The following AGR2 variants were observed in gnomAD, a reference collection of about 807,000 sequenced individuals.
The protein encoded by AGR2 is anterior gradient protein 2 homolog.
A neutral mutation model predicts 25.9 loss-of-function variants in AGR2; 27 were observed. The ratio of observed to expected loss-of-function variants is 1.04; its 90% CI spans 0.77 to 1.44. The LOEUF is 1.44. AGR2 is among the 40% of genes most tolerant of loss of function. The probability of loss-of-function intolerance (pLI) is 0.00; values close to 1 mark genes in which losing one functional copy is unlikely to be tolerated. For missense variants in AGR2, 182 were observed against 200.9 expected (o/e 0.91, Z 0.57); for synonymous variants, 78 against 72.0 (o/e 1.08, Z -0.42).
In AGR2 at chr7:16,799,128, G is replaced by A. The variant is rs1283926634; in HGVS notation, c.330+616C>T. ...AAGAGGAAGAGCCCATGGAAGAGAG[G>A]CAAGGAAGAACTACTGGTGCGAAGT... On this transcript the variant is annotated intron_variant, in intron 5 of 7. Transcript: ENST00000419304. Among the ~76,000 whole-genome samples the A allele has an allele frequency of 2.0e-5, 3 of 152,108 alleles. No individual in the cohort carries two copies. In the East Asian group the frequency reaches 5.8e-4, roughly 29 times the overall value.
At chr7:16,799,863 T>TA (rs746797434) in intron 4 of AGR2, 46 bp from the exon 5 acceptor site, 67 of 1,331,526 alleles carry the variant, frequency 5.0e-5, no homozygotes, top group Non-Finnish European at 7.1e-5. Context: ...TAGCATTGGT[T>TA]AAAAGCTTTG....
chr7:16,795,060 T>C, intron 6 of AGR2, 41 bp from the exon 7 acceptor site: 6 of 1,606,584 alleles, frequency 3.7e-6, no homozygotes, highest in Non-Finnish European at 5.1e-6. Context: ...GAATGGTTTG[T>C]TTTCAAACAA....
At chr7:16,799,462 A>G (rs706070) in intron 5 of AGR2, 307,221 of 352,854 alleles carry the variant, frequency 0.87, 134,382 homozygotes, top group African/African-American at 0.97. Flanking sequence ...ATAGAGGGAC[A>G]GGCACAGCAA....
intron 2 of AGR2, 54 bp downstream of exon 2, chr7:16,801,604 G>T: frequency 6.2e-7 from 1 of 1,609,506 alleles, no homozygotes; most frequent in East Asian, 2.2e-5. Context: ...CAAGAGAGAG[G>T]AAATCTTTTC....
At chr7:16,801,498 C>G (rs749344059) in intron 2 of AGR2, 115 bp from the exon 3 acceptor site, 1 of 1,332,846 alleles carries the variant, frequency 7.5e-7, no homozygotes, top group South Asian at 1.2e-5. Flanking sequence ...GAAGAAAAAC[C>G]CCTGGAGAAA....
chr7:16,802,000 A>T (rs1296683401), intron 1 of AGR2, among the ~76,000 whole-genome samples, 197 bp from the exon 2 acceptor site: 1 of 151,186 alleles, frequency 6.6e-6, no homozygotes, highest in East Asian at 1.9e-4. Flanking sequence ...CAATTGAGTA[A>T]TGTTCCAATA....
At chr7:16,801,581 C>A in intron 2 of AGR2, 77 bp downstream of exon 2, 1 of 1,577,168 alleles carries the variant, frequency 6.3e-7, no homozygotes, top group Non-Finnish European at 8.7e-7. Flanking sequence ...AGGTTAGAAC[C>A]AGGTTTAAGC....
intron 1 of AGR2, among the ~76,000 whole-genome samples, chr7:16,804,535 G>A (rs60807324): frequency 3.3e-5 from 5 of 152,050 alleles, no homozygotes; most frequent in Admixed American, 6.6e-5. Flanking sequence ...TATTCCAAGC[G>A]GGCAATCCGA....
chr7:16,796,150 T>G (rs750109353), intron 6 of AGR2, among the ~76,000 whole-genome samples: 1 of 152,178 alleles, frequency 6.6e-6, no homozygotes, highest in African/African-American at 2.4e-5. Context: ...CAACTTGATC[T>G]TTAAAATCCT....
At position 16,792,733 on chromosome 7, in the gene AGR2, A is replaced by T; in HGVS notation, c.*175T>A. The stretch of plus-strand genomic sequence containing the variant: ...TATACAATATTGTTTTCACACATGT[A>T]CACTTGAAACCAAATTTCTAAAACT... On this transcript the variant is annotated 3_prime_UTR_variant, in exon 8 of 8. Transcript: ENST00000419304. 1 of 635,436 alleles carries T rather than the reference A, an allele frequency of 1.6e-6. No individual in the cohort carries two copies. 39.4% of individuals were successfully genotyped at this position (635,436 alleles called of 1,614,324 possible). A position where few individuals can be genotyped will look rare whatever the true frequency, so the allele number is the denominator to read the frequency against.
rs774904617 is a variant in AGR2, at chr7:16,797,708, A to G, written c.331-14T>C. 1.6e-5 allele frequency: 26 copies of G among 1,610,320 alleles called. No homozygotes were observed. The highest frequency in any genetic ancestry group is 2.1e-5 in the Non-Finnish European group (25 of 1,177,562). ...AGTTGTTTCATACTAAAATAAAAAG[A>G]AAAGCATCTTTTAGTTTACTTTGAC... On this transcript the variant is annotated splice_polypyrimidine_tract_variant and intron_variant, in intron 5 of 7. Transcript: ENST00000419304.
chr7:16,801,226 A>T (rs369550425), intron 3 of AGR2, 23 bp from the exon 4 acceptor site: 7 of 1,612,874 alleles, frequency 4.3e-6, no homozygotes, highest in Non-Finnish European at 5.1e-6. Context: ...GAGATTAGAC[A>T]AATTTTAATG....
At chr7:16,802,247 A>G (rs77709605) in intron 1 of AGR2, among the ~76,000 whole-genome samples, 268 of 152,296 alleles carry the variant, frequency 1.8e-3, no homozygotes, top group African/African-American at 6.2e-3. Context: ...TATTGTGCTT[A>G]ATTTATAATT....
Position 16,801,822 on chromosome 7 carries a change from C to A in AGR2, c.-7-19G>T, listed in dbSNP as rs1583809846. 1.3e-6 allele frequency: 2 copies of A among 1,594,608 alleles called. No individual in the cohort carries two copies. Among genetic ancestry groups the A allele is most frequent in the Non-Finnish European group, 1.7e-6 (2 of 1,167,860 alleles). On this transcript the variant is annotated intron_variant, in intron 1 of 7. Transcript: ENST00000419304. ...GGCAACTCTAGTATGGAAAACCAACCAAAATCAGTAAACAAAATTGAACTA... is the reference window on the plus strand; with the variant it reads ...GGCAACTCTAGTATGGAAAACCAACAAAAATCAGTAAACAAAATTGAACTA...
chr7:16,804,353 A>G (rs1785199353), intron 1 of AGR2, among the ~76,000 whole-genome samples: 1 of 151,934 alleles, frequency 6.6e-6, no homozygotes, highest in Admixed American at 6.6e-5. Context: ...TCTTGTCTTT[A>G]GCAAATAATG....
At chr7:16,793,697 T>C (rs895200061) in intron 7 of AGR2, among the ~76,000 whole-genome samples, 2 of 152,188 alleles carry the variant, frequency 1.3e-5, no homozygotes, top group African/African-American at 2.4e-5. Flanking sequence ...ACTTTATATA[T>C]ACATAATGAA....
chr7:16,794,739 G>A, intron 7 of AGR2, 197 bp downstream of exon 7: 1 of 1,357,414 alleles, frequency 7.4e-7, no homozygotes, highest in Non-Finnish European at 9.9e-7. Context: ...ATCTTCAATT[G>A]AGATTAAAAA....
At position 16,794,960 on chromosome 7, in the gene AGR2, A is replaced by T; in HGVS notation, c.454T>A (p.Tyr152Asn). 1.2e-6 allele frequency: 2 copies of T among 1,614,200 alleles called. No homozygotes were observed. The highest frequency in any genetic ancestry group is 1.7e-6 in the Non-Finnish European group (2 of 1,180,002). ...CACAGAGCTGTATCTGCAGGTTCGT[A>T]AGCATAGAGACGATTTGAATATCTT... ...TGRYSNRLYA[Y>N]EPADTALLLD... The change falls in exon 7 of 8, where the codon TAC becomes AAC. Residue 152 changes from tyrosine (Y) to asparagine (N), a missense_variant. By Grantham distance (143) the Tyr-to-Asn change is moderately radical. Coordinates refer to ENST00000419304, the MANE Select transcript of AGR2 (RefSeq NM_006408.4).
intron 7 of AGR2, among the ~76,000 whole-genome samples, chr7:16,794,215 T>C (rs1399395063): frequency 7.0e-6 from 1 of 142,840 alleles, no homozygotes; most frequent in South Asian, 2.4e-4. Context: ...ATATGGCTAG[T>C]GTGACTGAAG....
Sources: allele counts gnomAD v4.1 joint callset (sites outside exome capture counted in the v4.1 genomes callset), GRCh38; gene constraint gnomAD v4.1.1; transcripts MANE v1.5; gene names NCBI Gene and HGNC (gene_info 2026-07-23, HGNC 2026-07-21).